The following PEX5L variants were observed in gnomAD, a reference collection of about 807,000 sequenced individuals.
PEX5L encodes the protein peroxisomal biogenesis factor 5 like.
In PEX5L, 30 loss-of-function variants were observed where a neutral mutation model predicts 84.0. The observed-to-expected ratio is 0.36, with a 90% confidence interval of 0.27 to 0.48. The LOEUF is 0.48. Among genes scored for constraint, PEX5L ranks in the 20% least tolerant of loss-of-function variants. The pLI, the probability that PEX5L is intolerant of heterozygous loss-of-function variation, is 0.99. For missense variants in PEX5L, 533 were observed against 754.6 expected (o/e 0.71, Z 3.44); for synonymous variants, 270 against 283.1 (o/e 0.95, Z 0.46).
At chr3:180,036,495 C>T in intron 1 of PEX5L, 84 bp downstream of exon 1, 2 of 1,254,970 alleles carry the variant, frequency 1.6e-6, no homozygotes, top group Non-Finnish European at 2.3e-6. Flanking sequence ...GCGAAGGCAG[C>T]ACTTGACCAC....
chr3:179,853,380 T>A (rs1473681750), intron 8 of PEX5L, among the ~76,000 whole-genome samples: 1 of 152,186 alleles, frequency 6.6e-6, no homozygotes, highest in Non-Finnish European at 1.5e-5. Flanking sequence ...CCTGCTAACG[T>A]TGATGAAGGA....
At chr3:179,833,985 C>G (rs1734068481) in intron 8 of PEX5L, among the ~76,000 whole-genome samples, 1 of 152,114 alleles carries the variant, frequency 6.6e-6, no homozygotes, top group Admixed American at 6.6e-5. Context: ...CAGGCACATA[C>G]CGACATGCGT....
chr3:180,021,626 G>A (rs1047370228), intron 1 of PEX5L, among the ~76,000 whole-genome samples: 2 of 152,204 alleles, frequency 1.3e-5, no homozygotes, highest in Non-Finnish European at 2.9e-5. Flanking sequence ...TTGAGTGGAT[G>A]GTGGTGCTAT....
At chr3:179,933,527 T>C (rs1773700540) in intron 2 of PEX5L, among the ~76,000 whole-genome samples, 2 of 152,168 alleles carry the variant, frequency 1.3e-5, no homozygotes, top group South Asian at 4.1e-4. Flanking sequence ...ATTTTTAAAA[T>C]TCTAAAAGAC....
At chr3:179,962,344 T>A (rs2110115712) in intron 2 of PEX5L, among the ~76,000 whole-genome samples, 1 of 152,328 alleles carries the variant, frequency 6.6e-6, no homozygotes, top group South Asian at 2.1e-4. Context: ...AGATCCCAAG[T>A]TCAAATATTG....
intron 1 of PEX5L, among the ~76,000 whole-genome samples, chr3:180,034,688 T>G (rs1791744874): frequency 6.6e-6 from 1 of 152,192 alleles, no homozygotes; most frequent in African/African-American, 2.4e-5. Flanking sequence ...AGGAAAAAAG[T>G]ATTATGCTCT....
intron 2 of PEX5L, among the ~76,000 whole-genome samples, chr3:179,959,193 A>G (rs1278657182): frequency 1.3e-5 from 2 of 152,090 alleles, no homozygotes; most frequent in African/African-American, 2.4e-5. Flanking sequence ...TTGAGTAGAC[A>G]GGTTCTAAAA....
intron 2 of PEX5L, among the ~76,000 whole-genome samples, chr3:179,914,268 C>G (rs1217955970): frequency 6.6e-6 from 1 of 152,132 alleles, no homozygotes; most frequent in African/African-American, 2.4e-5. Flanking sequence ...TGTGCAGGCT[C>G]TTCTTCCAAC....
At chr3:179,817,065 A>T (rs1012522556) in intron 9 of PEX5L, among the ~76,000 whole-genome samples, 66 of 152,334 alleles carry the variant, frequency 4.3e-4, no homozygotes, top group Non-Finnish European at 7.5e-4. Flanking sequence ...CATACTGTAT[A>T]TCTGTTTACC....
At position 179,798,702 on chromosome 3, in the gene PEX5L, C is replaced by T. The variant is rs1208286342; in HGVS notation, c.*3126G>A. The T allele has an allele frequency of 6.6e-6, 1 of 152,128 alleles. No individual in the cohort carries two copies. The highest frequency in any genetic ancestry group is 2.4e-5 in the African/African-American group (1 of 41,418). The allele number at this position is 152,128 out of a possible 1,614,324, so 9.4% of individuals were successfully genotyped here. ...AACTCAAAGCCTTCTCAGAGTACCTCAGAAGGGAAATAAGGATACCCTCCC... is the reference window on the plus strand; with the variant it reads ...AACTCAAAGCCTTCTCAGAGTACCTTAGAAGGGAAATAAGGATACCCTCCC... On this transcript the variant is annotated 3_prime_UTR_variant, in exon 15 of 15. Transcript: ENST00000467460.
chr3:179,811,985 T>C, intron 10 of PEX5L, 114 bp from the exon 11 acceptor site: 1 of 801,290 alleles, frequency 1.2e-6, no homozygotes, highest in African/African-American at 1.7e-5. Flanking sequence ...GTCTCATATG[T>C]GAGCGCTATA....
chr3:179,889,398 G>C (rs3774247), intron 3 of PEX5L, among the ~76,000 whole-genome samples: 92,985 of 152,048 alleles, frequency 0.61, 28,856 homozygotes, highest in African/African-American at 0.69. Context: ...GCTATTTAAA[G>C]ATGGATAAAT....
intron 5 of PEX5L, among the ~76,000 whole-genome samples, chr3:179,877,931 A>G (rs1268663314): frequency 2.0e-5 from 3 of 152,212 alleles, no homozygotes; most frequent in African/African-American, 7.2e-5. Flanking sequence ...ACTAGTTTGA[A>G]CAATGGCTTG....
chr3:179,998,233 T>G (rs984489628), intron 1 of PEX5L, among the ~76,000 whole-genome samples: 3 of 152,186 alleles, frequency 2.0e-5, no homozygotes, highest in African/African-American at 2.4e-5. Context: ...AGAGGCACAA[T>G]GCTTAGTGGG....
intron 1 of PEX5L, among the ~76,000 whole-genome samples, chr3:180,035,283 T>C (rs1018396096): frequency 3.3e-5 from 5 of 152,218 alleles, no homozygotes; most frequent in East Asian, 1.9e-4. Context: ...TGAATTCTTC[T>C]ATGTTACTTA....
chr3:179,867,814 A>G (rs1748868797), intron 7 of PEX5L, among the ~76,000 whole-genome samples: 2 of 152,170 alleles, frequency 1.3e-5, no homozygotes, highest in African/African-American at 4.8e-5. Context: ...GCCTGAAATC[A>G]GATGACAATC....
chr3:179,801,904 TC>T lies in PEX5L; in HGVS notation c.1804del (p.Asp602ThrfsTer18). 1 of 1,614,022 alleles carries T rather than the reference TC, an allele frequency of 6.2e-7. No individual in the cohort carries two copies. The highest frequency in any genetic ancestry group is 8.5e-7 in the Non-Finnish European group (1 of 1,179,912). On this transcript the variant is annotated frameshift_variant, in exon 15 of 15. Coordinates refer to ENST00000467460, the MANE Select transcript of PEX5L (RefSeq NM_016559.3). LOFTEE classifies it high-confidence loss of function. The stretch of plus-strand genomic sequence containing the variant: ...AGCCGCCTGGAAGAGTTCTGGTTGG[TC>T]CATCAGAGAGAGCGCAATTCTGAGG... ...AALRIALSLM[D>X]QPELFQAANL...
chr3:179,885,632 C>A (rs1325350392), intron 4 of PEX5L, among the ~76,000 whole-genome samples: 3 of 147,530 alleles, frequency 2.0e-5, no homozygotes, highest in Non-Finnish European at 4.5e-5. Context: ...GGTGACAGAG[C>A]GAGACTCCGT....
intron 2 of PEX5L, among the ~76,000 whole-genome samples, chr3:179,907,501 G>A (rs1159565264): frequency 6.6e-6 from 1 of 151,764 alleles, no homozygotes; most frequent in East Asian, 1.9e-4. Flanking sequence ...TTTGGTAGAG[G>A]TGGAGTCTCG....
Sources: allele counts gnomAD v4.1 joint callset (sites outside exome capture counted in the v4.1 genomes callset), GRCh38; gene constraint gnomAD v4.1.1; transcripts MANE v1.5; gene names NCBI Gene and HGNC (gene_info 2026-07-23, HGNC 2026-07-21).